DDX60L: variants seen among roughly 807,000 people sequenced by gnomAD.
DDX60L encodes the protein probable ATP-dependent RNA helicase DDX60-like.
Under a neutral mutation model 211.6 loss-of-function variants are expected in DDX60L, and 191 were observed. The ratio of observed to expected loss-of-function variants is 0.90; its 90% CI spans 0.80 to 1.02. DDX60L has a LOEUF of 1.02. Ranked by LOEUF, DDX60L falls within the 50% of genes least tolerant of loss-of-function variation. DDX60L has a pLI of 0.00. For missense variants in DDX60L, 2,007 were observed against 1,984.1 expected (o/e 1.01, Z -0.22); for synonymous variants, 706 against 694.1 (o/e 1.02, Z -0.27).
In DDX60L at chr4:168,416,806, G is replaced by GAAA; in HGVS notation, c.2611-12_2611-10dup. The GAAA allele has an allele frequency of 7.1e-7, 1 of 1,417,206 alleles. No individual in the cohort carries two copies. The highest frequency in any genetic ancestry group is 9.6e-7 in the Non-Finnish European group (1 of 1,045,486). The allele number at this position is 1,417,206 out of a possible 1,614,324, so 87.8% of individuals were successfully genotyped here. On this transcript the variant is annotated splice_polypyrimidine_tract_variant and intron_variant, in intron 19 of 37. Coordinates refer to ENST00000682922, the MANE Select transcript of DDX60L (RefSeq NM_001012967.3). ...CTGCCAAGATAATGGACCTAGTAAA[G>GAAA]AAAAAAAAATCAGTTGAAAAGTTGA...
Position 168,396,069 on chromosome 4 carries a change from C to T in DDX60L, c.3547G>A (p.Ala1183Thr). The change falls in exon 27 of 38, where the codon GCT (alanine) becomes ACT (threonine). Residue 1183 changes from alanine to threonine, a missense_variant. By Grantham distance (58) the Ala-to-Thr change is moderately conservative. Coordinates refer to ENST00000682922, the MANE Select transcript of DDX60L (RefSeq NM_001012967.3). Reference protein sequence around the residue: ...EKLERKKVYRAEYINFLENLK... With the variant: ...EKLERKKVYRTEYINFLENLK... ...TTCTCCAGGAAATTAATATATTCAG[C>T]TCTATACACTTTTTTTCTTTCCAGT... The T allele has an allele frequency of 6.3e-7, 1 of 1,593,988 alleles. No homozygotes were observed. Among genetic ancestry groups the T allele is most frequent in the Non-Finnish European group, 8.5e-7 (1 of 1,169,880 alleles).
chr4:168,451,645 T>C (rs1755822485), intron 8 of DDX60L, among the ~76,000 whole-genome samples: 1 of 152,228 alleles, frequency 6.6e-6, no homozygotes, highest in Admixed American at 6.5e-5. Context: ...CTCTATGCAC[T>C]TCAGCCAAAG....
At chr4:168,427,345 T>C (rs1256767200) in intron 13 of DDX60L, 23 bp from the exon 14 acceptor site, 10 of 1,595,648 alleles carry the variant, frequency 6.3e-6, no homozygotes, top group Non-Finnish European at 8.5e-6. Context: ...AAAAGGAACA[T>C]ATGAAACAAG....
chr4:168,405,237 G>T (rs1223845193), intron 24 of DDX60L, among the ~76,000 whole-genome samples: 1 of 151,986 alleles, frequency 6.6e-6, no homozygotes, highest in Admixed American at 6.6e-5. Flanking sequence ...CAAGCTTCTG[G>T]CCTCAAGTGA....
intron 36 of DDX60L, among the ~76,000 whole-genome samples, chr4:168,367,882 G>T (rs865792315): frequency 2.6e-5 from 4 of 152,204 alleles, no homozygotes; most frequent in African/African-American, 9.6e-5. Context: ...GAACTTGAGA[G>T]AGATGATTTA....
intron 22 of DDX60L, among the ~76,000 whole-genome samples, chr4:168,409,169 C>T (rs1467024208): frequency 6.6e-6 from 1 of 152,176 alleles, no homozygotes; most frequent in African/African-American, 2.4e-5. Flanking sequence ...TGTCTAGTTA[C>T]TTTACAAAAG....
At chr4:168,456,603 T>C (rs1455547443) in intron 6 of DDX60L, among the ~76,000 whole-genome samples, 9 of 152,208 alleles carry the variant, frequency 5.9e-5, no homozygotes, top group African/African-American at 1.9e-4. Flanking sequence ...AGATTAAAGA[T>C]AAAAGTACAG....
intron 25 of DDX60L, among the ~76,000 whole-genome samples, chr4:168,402,511 T>G (rs1747010595): frequency 1.3e-5 from 2 of 152,200 alleles, no homozygotes; most frequent in Admixed American, 6.5e-5. Flanking sequence ...ATTATTTCAT[T>G]TAACCCATAT....
rs1173734714 is a variant in DDX60L, at chr4:168,430,500, C to T, written c.1655G>A (p.Gly552Asp). The T allele has an allele frequency of 6.2e-7, 1 of 1,603,972 alleles. No homozygotes were observed. The highest frequency in any genetic ancestry group is 1.7e-5 in the Admixed American group (1 of 57,508). ...QTTRPKEDSS[G>D]ASGEILQNTK... ...TACCTGTAATATTTCACCACTGGCA[C>T]CACTGGAATCCTCCTTTGGCCGAGT... Residue 552 changes from glycine (G) to aspartate (D), a missense_variant, in exon 13 of 38, where the codon GGT becomes GAT. Gly to Asp is a moderately conservative substitution (Grantham distance 94). Coordinates refer to ENST00000682922, the MANE Select transcript of DDX60L (RefSeq NM_001012967.3).
rs1262695311 is a variant in DDX60L, at chr4:168,420,407, G to T, written c.2395-27C>A. ...TGATTGACAAGAAAAAAAACCATTAGTCACTTAGTAGAGAAGAGACATATA... is the reference window on the plus strand; with the variant it reads ...TGATTGACAAGAAAAAAAACCATTATTCACTTAGTAGAGAAGAGACATATA... On this transcript the variant is annotated intron_variant, in intron 17 of 37. Transcript: ENST00000682922. 3.8e-6 allele frequency: 6 copies of T among 1,591,572 alleles called. No individual in the cohort carries two copies. In the Admixed American group the frequency reaches 7.3e-5, roughly 19 times the overall value.
At chr4:168,405,816 A>G (rs1207062481) in intron 24 of DDX60L, 134 bp downstream of exon 24, 20 of 923,114 alleles carry the variant, frequency 2.2e-5, no homozygotes, top group Non-Finnish European at 3.1e-5. Context: ...CTCACTGGAT[A>G]ACATGTTTAA....
At chr4:168,411,185 G>T (rs1748617615) in intron 22 of DDX60L, among the ~76,000 whole-genome samples, 1 of 152,202 alleles carries the variant, frequency 6.6e-6, no homozygotes, top group African/African-American at 2.4e-5. Flanking sequence ...GAAGCCTCCT[G>T]TGAGAATCAG....
rs549708858 is a variant in DDX60L, at chr4:168,418,433, T to C, written c.2610+869A>G. 4.6e-5 allele frequency among the ~76,000 whole-genome samples: 7 copies of C among 152,318 alleles called. No individual in the cohort carries two copies. The East Asian group carries it at 7.7e-4, about 17-fold the overall frequency. The stretch of plus-strand genomic sequence containing the variant: ...GAGATGAGACCACAATCCAAGGTTC[T>C]AGATCATAAAGATCAAGGTTTTTGT... On this transcript the variant is annotated intron_variant, in intron 19 of 37. Transcript: ENST00000682922.
In DDX60L at chr4:168,420,055, A is replaced by G. The variant is rs1750239238; in HGVS notation, c.2514+206T>C. Among the ~76,000 whole-genome samples the G allele has an allele frequency of 3.3e-5, 5 of 152,326 alleles. No individual in the cohort carries two copies. The South Asian group carries it at 8.3e-4, about 25-fold the overall frequency. On this transcript the variant is annotated intron_variant, in intron 18 of 37. Coordinates refer to ENST00000682922, the MANE Select transcript of DDX60L (RefSeq NM_001012967.3). The stretch of plus-strand genomic sequence containing the variant: ...TTTCTATTTGAAATTTCAGTTCACA[A>G]TGTGAATATCCTTAGAGATGGTGAG...
intron 33 of DDX60L, among the ~76,000 whole-genome samples, 183 bp from the exon 34 acceptor site, chr4:168,375,707 G>A (rs1741834848): frequency 6.6e-6 from 1 of 152,254 alleles, no homozygotes; most frequent in South Asian, 2.1e-4. Flanking sequence ...ATTTATAAAT[G>A]TAAGTATCTT....
rs750409641 is a variant in DDX60L at position 168,427,195 on chromosome 4, T to C, written c.1805A>G (p.His602Arg). 2.5e-6 allele frequency: 4 copies of C among 1,613,280 alleles called. No individual in the cohort carries two copies. The highest frequency in any genetic ancestry group is 1.7e-5 in the Admixed American group (1 of 59,956). Residue 602 changes from histidine (H) to arginine (R), a missense_variant, in exon 14 of 38, where the codon CAT becomes CGT. His to Arg is a conservative substitution (Grantham distance 29). Transcript: ENST00000682922. ...ATCTTCCAATTTCCTTATTCCAGAATGTAAATTGTTCTTCATCTCCTCTTC... is the reference window on the plus strand; with the variant it reads ...ATCTTCCAATTTCCTTATTCCAGAACGTAAATTGTTCTTCATCTCCTCTTC... ...SIEEEMKNNL[H>R]SGIRKLEDYL...
At chr4:168,377,638 T>C (rs926397900) in intron 33 of DDX60L, 1 of 152,156 alleles carries the variant, frequency 6.6e-6, no homozygotes, top group African/African-American at 2.4e-5. Context: ...GCAATGTGGA[T>C]ATATGTCAGT....
intron 26 of DDX60L, among the ~76,000 whole-genome samples, chr4:168,397,282 T>C (rs1745969171): frequency 6.6e-6 from 1 of 152,194 alleles, no homozygotes; most frequent in South Asian, 2.1e-4. Flanking sequence ...TGAAGCACTA[T>C]TACTATGTGC....
intron 30 of DDX60L, among the ~76,000 whole-genome samples, chr4:168,381,036 G>A (rs1248292048): frequency 2.6e-5 from 4 of 152,202 alleles, no homozygotes; most frequent in African/African-American, 9.7e-5. Flanking sequence ...AAGTAGCAAA[G>A]TGTTCAAGAT....
Sources: allele counts gnomAD v4.1 joint callset (sites outside exome capture counted in the v4.1 genomes callset), GRCh38; gene constraint gnomAD v4.1.1; transcripts MANE v1.5; gene names NCBI Gene and HGNC (gene_info 2026-07-23, HGNC 2026-07-21).